Variants in SPIRE2 observed in about 807,000 individuals in gnomAD.
SPIRE2 encodes spire type actin nucleation factor 2, also known as protein spire homolog 2.
Under a neutral mutation model 80.7 loss-of-function variants are expected in SPIRE2, and 76 were observed. That is an observed-to-expected ratio of 0.94 (90% CI 0.78 to 1.14). The LOEUF is 1.14. Ranked by LOEUF, SPIRE2 falls within the 50% of genes most tolerant of loss-of-function variation. The probability of loss-of-function intolerance (pLI) is 0.00; values close to 1 mark genes in which losing one functional copy is unlikely to be tolerated. For missense variants in SPIRE2, 1,196 were observed against 1,015.3 expected, an observed-to-expected ratio of 1.18 and a Z score of -2.42; for synonymous variants, 535 against 432.6, an observed-to-expected ratio of 1.24 and a Z score of -2.94.
At position 89,858,128 on chromosome 16, in the gene SPIRE2, A is replaced by G. The variant is rs541048706; in HGVS notation, c.1103-210A>G. ...TCTCGATCTCCTGACCTCGTGATCC[A>G]CCCGCCTTGGCCTCCCAAAGTGCTG... On this transcript the variant is annotated intron_variant, in intron 7 of 14. Coordinates refer to ENST00000378247, the MANE Select transcript of SPIRE2 (RefSeq NM_032451.2). 2.9e-3 allele frequency among the ~76,000 whole-genome samples: 432 copies of G among 150,896 alleles called. 3 individuals are homozygous for G. Among genetic ancestry groups the G allele is most frequent in the African/African-American group, 0.01 (417 of 40,964 alleles).
rs528333469 is a variant in SPIRE2, at chr16:89,843,168, G to A, written c.245-2154G>A. Among the ~76,000 whole-genome samples, 15 of 152,286 alleles carry A rather than the reference G, an allele frequency of 9.8e-5. No homozygotes were observed. In the East Asian group the frequency reaches 1.2e-3, roughly 12 times the overall value. ...CCCAGCGCAGCATCTTGGGAACCCC[G>A]GGGGAGGAGGGTTGGGGAGCACAGA... On this transcript the variant is annotated intron_variant, in intron 1 of 14. Transcript: ENST00000378247.
At chr16:89,861,019 C>T (rs1013392046) in intron 10 of SPIRE2, among the ~76,000 whole-genome samples, 1 of 152,128 alleles carries the variant, frequency 6.6e-6, no homozygotes, top group Non-Finnish European at 1.5e-5. Flanking sequence ...AACCGCACTG[C>T]ACTGCGGCCC....
chr16:89,854,585 G>C lies in SPIRE2; in HGVS notation c.825G>C (p.Gln275His), dbSNP rs193226518. 2 of 1,611,138 alleles carry C rather than the reference G, an allele frequency of 1.2e-6. No homozygotes were observed. The highest frequency in any genetic ancestry group is 1.1e-5 in the South Asian group (1 of 91,054). Residue 275 changes from glutamine to histidine, a missense_variant, in exon 5 of 15, where the codon CAG becomes CAC. Transcript: ENST00000378247. ...TCAACCCCCTCCCCACCGAGTTCCA[G>C]CTCACGCCCTTCGAGATGCTGATGC... Reference protein sequence around the residue: ...QEFNPLPTEFQLTPFEMLMQD... With the variant: ...QEFNPLPTEFHLTPFEMLMQD...
In SPIRE2 at chr16:89,856,192, A is replaced by G. The variant is rs1226080561; in HGVS notation, c.1058A>G (p.Glu353Gly). ...HEKILEEIKQ[E>G]RRLRPVRGEG... ...AAGATCCTGGAGGAGATCAAGCAGG[A>G]GCGGAGGCTGCGCCCGGTGCGGGGC... Residue 353 changes from glutamate (E) to glycine (G), a missense_variant, in exon 7 of 15, where the codon GAG becomes GGG. Glu to Gly is a moderately conservative substitution (Grantham distance 98, BLOSUM62 -2). Transcript: ENST00000378247. The G allele has an allele frequency of 6.2e-7, 1 of 1,604,228 alleles. No homozygotes were observed. The highest frequency in any genetic ancestry group is 1.1e-5 in the South Asian group (1 of 89,688).
intron 3 of SPIRE2, 94 bp from the exon 4 acceptor site, chr16:89,854,192 C>G: frequency 8.7e-7 from 1 of 1,148,130 alleles, no homozygotes. Flanking sequence ...CGAGTGGAGC[C>G]CCCGTGACGT....
intron 1 of SPIRE2, among the ~76,000 whole-genome samples, chr16:89,831,050 C>T (rs1054525634): frequency 1.3e-5 from 2 of 150,358 alleles, no homozygotes; most frequent in African/African-American, 4.9e-5. Context: ...GCTGGGACTA[C>T]AGGCGCCCGC....
At position 89,850,070 on chromosome 16, in the gene SPIRE2, T is replaced by C. The variant is rs1407485994; in HGVS notation, c.289-234T>C. 2.3e-5 allele frequency: 15 copies of C among 652,330 alleles called. No homozygotes were observed. In the South Asian group the frequency reaches 2.4e-4, roughly 10 times the overall value. The allele number at this position is 652,330 out of a possible 1,614,324, so 40.4% of individuals were successfully genotyped here. A position where few individuals can be genotyped will look rare whatever the true frequency, so the allele number is the denominator to read the frequency against. On this transcript the variant is annotated intron_variant, in intron 2 of 14. Transcript: ENST00000378247. ...TCAGGCTGGTCTTGAACTCCTGACC[T>C]CGTGATCCGCCCGCCTCGGCCTCCC...
In SPIRE2 at chr16:89,842,779, C is replaced by T. The variant is rs868259620; in HGVS notation, c.245-2543C>T. Among the ~76,000 whole-genome samples the T allele has an allele frequency of 3.9e-5, 6 of 152,346 alleles. 1 individual carries two copies. Among genetic ancestry groups the T allele is most frequent in the East Asian group, 1.9e-4 (1 of 5,178 alleles). On this transcript the variant is annotated intron_variant, in intron 1 of 14. Coordinates refer to ENST00000378247, the MANE Select transcript of SPIRE2 (RefSeq NM_032451.2). ...GCCTCGGCCCAATCACAGCTGCAAACGTGCTGAACGCCCAGCGCGGGCCAG... is the reference window on the plus strand; with the variant it reads ...GCCTCGGCCCAATCACAGCTGCAAATGTGCTGAACGCCCAGCGCGGGCCAG...
intron 1 of SPIRE2, among the ~76,000 whole-genome samples, chr16:89,843,187 G>A (rs1246942075): frequency 6.6e-6 from 1 of 152,192 alleles, no homozygotes; most frequent in Non-Finnish European, 1.5e-5. Context: ...GGGTTGGGGA[G>A]CACAGACCCT....
At chr16:89,843,679 TTG>T (rs1567671324) in intron 1 of SPIRE2, among the ~76,000 whole-genome samples, 1 of 22,086 alleles carries the variant, frequency 4.5e-5, no homozygotes, top group Non-Finnish European at 7.3e-5. Flanking sequence ...TTTTTTTTTT[TTG>T]TTTGTTTTTG....
At chr16:89,846,311 G>A (rs754563768) in intron 2 of SPIRE2, 2 of 144,442 alleles carry the variant, frequency 1.4e-5, no homozygotes, top group Non-Finnish European at 3.0e-5. Flanking sequence ...ACAGTTCTGA[G>A]CCACTGTGCC....
chr16:89,862,591 T>C (rs1345261667), intron 10 of SPIRE2: 1 of 152,126 alleles, frequency 6.6e-6, no homozygotes, highest in Admixed American at 6.5e-5. Flanking sequence ...GCACCTGAGG[T>C]GAATTGTTCA....
rs548709245 is a variant in SPIRE2, at chr16:89,855,966, C to T, written c.979-147C>T. 2.5e-4 allele frequency: 343 copies of T among 1,391,814 alleles called. 1 individual carries two copies. The African/African-American group carries it at 4.3e-3, about 17-fold the overall frequency. The allele number at this position is 1,391,814 out of a possible 1,614,324, so 86.2% of individuals were successfully genotyped here. On this transcript the variant is annotated intron_variant, in intron 6 of 14. Transcript: ENST00000378247. ...AGCCCCCTGGGAGCAGCACTCCCTCCGGGTGGGCCTGGCAGGCTCTTCCGA... is the reference window on the plus strand; with the variant it reads ...AGCCCCCTGGGAGCAGCACTCCCTCTGGGTGGGCCTGGCAGGCTCTTCCGA...
chr16:89,860,945 T>C (rs1597222716), intron 10 of SPIRE2, 150 bp downstream of exon 10: 1 of 559,608 alleles, frequency 1.8e-6, no homozygotes, highest in African/African-American at 2.0e-5. Context: ...GGTCTGAACA[T>C]GGGGCACCAG....
intron 2 of SPIRE2, among the ~76,000 whole-genome samples, chr16:89,847,513 G>C (rs1051333858): frequency 6.6e-6 from 1 of 152,228 alleles, no homozygotes; most frequent in Non-Finnish European, 1.5e-5. Context: ...GTTTTACAGA[G>C]AGCTTGGTAT....
intron 1 of SPIRE2, among the ~76,000 whole-genome samples, chr16:89,832,181 C>A (rs1275708915): frequency 6.6e-6 from 1 of 152,188 alleles, no homozygotes; most frequent in African/African-American, 2.4e-5. Flanking sequence ...GAAGGGGCAT[C>A]CTTTTCACCC....
At chr16:89,833,997 T>C (rs1380240475) in intron 1 of SPIRE2, among the ~76,000 whole-genome samples, 1 of 152,174 alleles carries the variant, frequency 6.6e-6, no homozygotes, top group Non-Finnish European at 1.5e-5. Flanking sequence ...ATTCCCGATA[T>C]AGTCTCACCT....
rs1261369230 is a variant in SPIRE2 at position 89,855,908 on chromosome 16, G to A, written c.979-205G>A. On this transcript the variant is annotated intron_variant, in intron 6 of 14. Coordinates refer to ENST00000378247, the MANE Select transcript of SPIRE2 (RefSeq NM_032451.2). The stretch of plus-strand genomic sequence containing the variant: ...TCTGGGAAGGGGCCATGTGAGCCAT[G>A]CCCACCCCACCCCAGGTGCATGCGG... The A allele has an allele frequency of 5.8e-6, 6 of 1,032,528 alleles. No individual in the cohort carries two copies. The Admixed American group carries it at 1.4e-4, about 25-fold the overall frequency. 64.0% of individuals were successfully genotyped at this position (1,032,528 alleles called of 1,614,324 possible).
At position 89,828,598 on chromosome 16, in the gene SPIRE2, G is replaced by T. The variant is rs748770690; in HGVS notation, c.48G>T (p.Arg16=). ...GCGGCGCCGCGGCGGGCGCAGGGCGGCCGGAGCCCTGGGAGCTGTCCCTGG... is the reference window on the plus strand; with the variant it reads ...GCGGCGCCGCGGCGGGCGCAGGGCGTCCGGAGCCCTGGGAGCTGTCCCTGG... ...SCGGAAAGAG[R]PEPWELSLEE... The change falls in exon 1 of 15, where the codon CGG becomes CGT. Residue 16 remains arginine (R), a synonymous_variant. Transcript: ENST00000378247. The surrounding 1 kb of genome is among the most constrained non-coding windows in gnomAD (Gnocchi z 5.9). The T allele has an allele frequency of 3.3e-6, 4 of 1,222,634 alleles. No homozygotes were observed. The highest frequency in any genetic ancestry group is 2.7e-5 in the South Asian group (1 of 37,472). 75.7% of individuals were successfully genotyped at this position (1,222,634 alleles called of 1,614,324 possible).
Sources: gnomAD v4.1 joint callset for allele counts (sites outside exome capture counted in the v4.1 genomes callset) on GRCh38, gnomAD v4.1.1 for gene constraint, Gnocchi (gnomAD v3.1) non-coding constraint, MANE v1.5 for transcripts, NCBI Gene and HGNC (gene_info 2026-07-23, HGNC 2026-07-21) for gene names.